C1orf115: variants seen among roughly 807,000 people sequenced by gnomAD.
C1orf115 encodes chromosome 1 open reading frame 115.
C1orf115 carries 14 observed loss-of-function variants against 12.5 expected under a neutral mutation model. The ratio of observed to expected loss-of-function variants is 1.12; its 90% CI spans 0.74 to 1.75. C1orf115 has a LOEUF of 1.75. C1orf115 is among the 40% of genes most tolerant of loss of function. The pLI, the probability that C1orf115 is intolerant of heterozygous loss-of-function variation, is 0.00. For missense variants in C1orf115, 237 were observed against 220.8 expected, an observed-to-expected ratio of 1.07 and a Z score of -0.46; for synonymous variants, 109 against 104.6, an observed-to-expected ratio of 1.04 and a Z score of -0.26.
rs1267708146 is a variant in C1orf115, at chr1:220,697,711, A to G, written c.*980A>G. On this transcript the variant is annotated 3_prime_UTR_variant, in exon 2 of 2. Transcript: ENST00000294889. The surrounding 1 kb of genome is among the most constrained non-coding windows in gnomAD (Gnocchi z 4.5). ...GGAGACATAACACCCAGGAATGAAAATACAGATTTAGAGAAGGAACCAGTA... is the reference window on the plus strand; with the variant it reads ...GGAGACATAACACCCAGGAATGAAAGTACAGATTTAGAGAAGGAACCAGTA... 6.6e-6 allele frequency: 1 copy of G among 152,608 alleles called. No individual in the cohort carries two copies. The highest frequency in any genetic ancestry group is 1.5e-5 in the Non-Finnish European group (1 of 68,320). 9.5% of individuals were successfully genotyped at this position (152,608 alleles called of 1,614,324 possible). A position where few individuals can be genotyped will look rare whatever the true frequency, so the allele number is the denominator to read the frequency against.
intron 1 of C1orf115, among the ~76,000 whole-genome samples, chr1:220,692,559 G>T (rs1670129226): frequency 6.6e-6 from 1 of 152,180 alleles, no homozygotes; most frequent in African/African-American, 2.4e-5. Flanking sequence ...CACATATTGT[G>T]CGTATGATTC....
In C1orf115 at chr1:220,690,396, G is replaced by A. The variant is rs1027176505; in HGVS notation, c.-7G>A. 7.1e-6 allele frequency: 10 copies of A among 1,414,782 alleles called. No individual in the cohort carries two copies. Among genetic ancestry groups the A allele is most frequent in the Middle Eastern group, 2.1e-4 (1 of 4,846 alleles). 87.6% of individuals were successfully genotyped at this position (1,414,782 alleles called of 1,614,324 possible). A position where few individuals can be genotyped will look rare whatever the true frequency, so the allele number is the denominator to read the frequency against. On this transcript the variant is annotated 5_prime_UTR_variant, in exon 1 of 2. Transcript: ENST00000294889. ...GCTCGGACCTTCGCCAGAGGGGCCG[G>A]GACATCATGACGGTGGGAGCCAGGC...
chr1:220,690,433 GC>G lies in C1orf115; in HGVS notation c.32del (p.Ala11GlyfsTer88). The G allele has an allele frequency of 6.9e-7, 1 of 1,443,186 alleles. No homozygotes were observed. Among genetic ancestry groups the G allele is most frequent in the East Asian group, 2.9e-5 (1 of 34,008 alleles). The allele number at this position is 1,443,186 out of a possible 1,614,324, so 89.4% of individuals were successfully genotyped here. On this transcript the variant is annotated frameshift_variant, in exon 1 of 2. Coordinates refer to ENST00000294889, the MANE Select transcript of C1orf115 (RefSeq NM_024709.5). LOFTEE classifies it high-confidence loss of function. ...GGTGGGAGCCAGGCTCCGAAGCAAG[GC>G]GGAGAGCAGCCTCCTGCGCCGCGGG... is the stretch of plus-strand genomic sequence containing the variant. MTVGARLRSK[A>X]ESSLLRRGPR... is the part of the protein sequence containing the mutation.
In C1orf115 at chr1:220,690,605, G is replaced by T; in HGVS notation, c.203G>T (p.Arg68Met). 1.3e-6 allele frequency: 2 copies of T among 1,530,188 alleles called. No individual in the cohort carries two copies. The highest frequency in any genetic ancestry group is 1.2e-5 in the South Asian group (1 of 82,860). The allele number at this position is 1,530,188 out of a possible 1,614,324, so 94.8% of individuals were successfully genotyped here. Reference protein sequence around the residue: ...ERGPGTRGARRVHFALLPERY... With the variant: ...ERGPGTRGARMVHFALLPERY... ...GGCCCGGGGACCCGGGGCGCGCGGA[G>T]GGTGCACTTCGCCCTCCTGCCCGAG... The change falls in exon 1 of 2, where the codon AGG (arginine) becomes ATG (methionine). Residue 68 changes from arginine to methionine, a missense_variant. Arg to Met is a moderately conservative substitution (Grantham distance 91, BLOSUM62 -1). Transcript: ENST00000294889.
rs1451240881 is a variant in C1orf115, at chr1:220,695,508, T to TC, written c.310-1104_310-1103insC. Among the ~76,000 whole-genome samples, 3 of 148,602 alleles carry TC rather than the reference T, an allele frequency of 2.0e-5. No homozygotes were observed. In the East Asian group the frequency reaches 6.0e-4, roughly 30 times the overall value. ...ACGATGTCTGGGTTTTTTTTTTTTT[T>TC]TTTTTTTTCTGTGAAAGGTGAAGTG... is the stretch of plus-strand genomic sequence containing the variant. On this transcript the variant is annotated intron_variant, in intron 1 of 1. Coordinates refer to ENST00000294889, the MANE Select transcript of C1orf115 (RefSeq NM_024709.5).
intron 1 of C1orf115, among the ~76,000 whole-genome samples, chr1:220,696,006 G>A (rs1346356636): frequency 6.6e-6 from 1 of 152,174 alleles, no homozygotes; most frequent in Non-Finnish European, 1.5e-5. Flanking sequence ...AGAAAAGGAA[G>A]AGGAGGAGTG....
intron 1 of C1orf115, 31 bp from the exon 2 acceptor site, chr1:220,696,581 C>T: frequency 6.4e-7 from 1 of 1,551,808 alleles, no homozygotes; most frequent in South Asian, 1.2e-5. Flanking sequence ...TACCCTAATC[C>T]TTTGCTTTTC....
rs74774753 is a variant in C1orf115 at position 220,692,069 on chromosome 1, A to G, written c.309+1358A>G. Among the ~76,000 whole-genome samples, 518 of 152,366 alleles carry G rather than the reference A, an allele frequency of 3.4e-3. 1 individual carries two copies. Among genetic ancestry groups the G allele is most frequent in the Non-Finnish European group, 6.1e-3 (414 of 68,024 alleles). On this transcript the variant is annotated intron_variant, in intron 1 of 1. Coordinates refer to ENST00000294889, the MANE Select transcript of C1orf115 (RefSeq NM_024709.5). ...TTAAGATTTCACCAGATAACAGTGA[A>G]GTGGTATGAAGTAGGCACACTTCAT...
intron 1 of C1orf115, among the ~76,000 whole-genome samples, chr1:220,696,056 G>C (rs1572269410): frequency 6.6e-6 from 1 of 152,182 alleles, no homozygotes; most frequent in South Asian, 2.1e-4. Flanking sequence ...CCATCAGGGA[G>C]CTTATAATGG....
chr1:220,693,706 A>G (rs149479212), intron 1 of C1orf115, among the ~76,000 whole-genome samples: 7 of 152,176 alleles, frequency 4.6e-5, no homozygotes, highest in African/African-American at 1.4e-4. Context: ...GCCTCTTTCT[A>G]CATGCTCAGG....
rs753734015 is a variant in C1orf115, at chr1:220,690,578, G to T, written c.176G>T (p.Arg59Leu). ...AESGTSAADE[R>L]GPGTRGARRV... ...AGCGGGACGAGCGCGGCGGACGAGC[G>T]GGGCCCGGGGACCCGGGGCGCGCGG... The change falls in exon 1 of 2, where the codon CGG becomes CTG. Residue 59 changes from arginine (R) to leucine (L), a missense_variant. Arg to Leu is a moderately radical substitution (Grantham distance 102). Coordinates refer to ENST00000294889, the MANE Select transcript of C1orf115 (RefSeq NM_024709.5). The T allele has an allele frequency of 2.0e-6, 3 of 1,501,198 alleles. No homozygotes were observed. Among genetic ancestry groups the T allele is most frequent in the East Asian group, 5.6e-5 (2 of 35,798 alleles). The allele number at this position is 1,501,198 out of a possible 1,614,324, so 93.0% of individuals were successfully genotyped here.
At chr1:220,691,927 C>T (rs889706367) in intron 1 of C1orf115, among the ~76,000 whole-genome samples, 1 of 152,212 alleles carries the variant, frequency 6.6e-6, no homozygotes, top group Non-Finnish European at 1.5e-5. Flanking sequence ...GCTCCCCCCG[C>T]CCCCGGGGGG....
At chr1:220,696,040 GC>G (rs1670189582) in intron 1 of C1orf115, among the ~76,000 whole-genome samples, 2 of 152,182 alleles carry the variant, frequency 1.3e-5, no homozygotes, top group African/African-American at 2.4e-5. Context: ...CATTGCCCAA[GC>G]CTGACCATCA....
rs1201733439 is a variant in C1orf115, at chr1:220,690,422, T to G, written c.20T>G (p.Leu7Arg). 1 of 1,437,224 alleles carries G rather than the reference T, an allele frequency of 7.0e-7. No homozygotes were observed. Among genetic ancestry groups the G allele is most frequent in the South Asian group, 1.4e-5 (1 of 70,526 alleles). The allele number at this position is 1,437,224 out of a possible 1,614,324, so 89.0% of individuals were successfully genotyped here. Reference protein sequence around the residue: MTVGARLRSKAESSLLR... With the variant: MTVGARRRSKAESSLLR... ...GACATCATGACGGTGGGAGCCAGGC[T>G]CCGAAGCAAGGCGGAGAGCAGCCTC... The change falls in exon 1 of 2, where the codon CTC (leucine) becomes CGC (arginine). Residue 7 changes from leucine to arginine, a missense_variant. By Grantham distance (102) the Leu-to-Arg change is moderately radical. Transcript: ENST00000294889.
chr1:220,691,108 G>A (rs1204271965), intron 1 of C1orf115, among the ~76,000 whole-genome samples: 1 of 152,196 alleles, frequency 6.6e-6, no homozygotes, highest in Non-Finnish European at 1.5e-5. Flanking sequence ...CAGTGTATTT[G>A]TTTTCCAGTA....
At chr1:220,694,498 T>C (rs1222415816) in intron 1 of C1orf115, among the ~76,000 whole-genome samples, 1 of 152,194 alleles carries the variant, frequency 6.6e-6, no homozygotes, top group African/African-American at 2.4e-5. Flanking sequence ...GGAAACATAG[T>C]ATGGGGGTTA....
Position 220,692,208 on chromosome 1 carries a change from A to G in C1orf115, c.309+1497A>G, listed in dbSNP as rs540612874. On this transcript the variant is annotated intron_variant, in intron 1 of 1. Transcript: ENST00000294889. ...ATTGCTGGTGGGAATGTAAAATGGG[A>G]CAGCTGCTGTGGAAAACAATTTGGG... Among the ~76,000 whole-genome samples, 24 of 152,316 alleles carry G rather than the reference A, an allele frequency of 1.6e-4. No individual in the cohort carries two copies. In the South Asian group the frequency reaches 1.9e-3, roughly 12 times the overall value.
Position 220,690,410 on chromosome 1 carries a change from T to C in C1orf115, c.8T>C (p.Val3Ala). 7.0e-7 allele frequency: 1 copy of C among 1,429,276 alleles called. No homozygotes were observed. The highest frequency in any genetic ancestry group is 1.4e-5 in the South Asian group (1 of 69,210). 88.5% of individuals were successfully genotyped at this position (1,429,276 alleles called of 1,614,324 possible). MT[V>A]GARLRSKAES... ...CAGAGGGGCCGGGACATCATGACGG[T>C]GGGAGCCAGGCTCCGAAGCAAGGCG... The change falls in exon 1 of 2, where the codon GTG (valine) becomes GCG (alanine). Residue 3 changes from valine (V) to alanine (A), a missense_variant. Val to Ala is a moderately conservative substitution (Grantham distance 64). Transcript: ENST00000294889.
rs376728254 is a variant in C1orf115, at chr1:220,690,600, G to A, written c.198G>A (p.Ala66=). ...AGCGGGGCCCGGGGACCCGGGGCGC[G>A]CGGAGGGTGCACTTCGCCCTCCTGC... ...ADERGPGTRG[A]RRVHFALLPE... Residue 66 remains alanine, a synonymous_variant, in exon 1 of 2, where the codon GCG becomes GCA. Transcript: ENST00000294889. The A allele has an allele frequency of 1.5e-4, 222 of 1,521,588 alleles. No individual in the cohort carries two copies. Among genetic ancestry groups the A allele is most frequent in the African/African-American group, 5.2e-4 (36 of 68,874 alleles). 94.3% of individuals were successfully genotyped at this position (1,521,588 alleles called of 1,614,324 possible).
Sources: allele counts gnomAD v4.1 joint callset (sites outside exome capture counted in the v4.1 genomes callset), GRCh38; gene constraint gnomAD v4.1.1; non-coding constraint Gnocchi (gnomAD v3.1); transcripts MANE v1.5; gene names NCBI Gene and HGNC (gene_info 2026-07-23, HGNC 2026-07-21).